Variants in ARMH3 observed in about 807,000 individuals in gnomAD.
The protein encoded by ARMH3 is armadillo like helical domain containing 3.
In ARMH3, 60 loss-of-function variants were observed where a neutral mutation model predicts 99.1. The observed-to-expected ratio is 0.61, with a 90% CI of 0.49 to 0.75. The LOEUF is 0.75. ARMH3 is among the 30% of genes least tolerant of loss of function. The pLI is 0.00. For synonymous variants in ARMH3, 285 were observed against 292.8 expected (o/e 0.97, Z 0.27); for missense variants, 679 against 843.1 (o/e 0.81, Z 2.41).
intron 16 of ARMH3, 68 bp downstream of exon 16, chr10:101,995,229 G>A: frequency 7.5e-7 from 1 of 1,333,508 alleles, no homozygotes; most frequent in Non-Finnish European, 1.1e-6. Context: ...GTAATGGGGT[G>A]AGGGGAGGCA....
chr10:101,963,082 G>A (rs1481870285), intron 20 of ARMH3, among the ~76,000 whole-genome samples: 4 of 148,224 alleles, frequency 2.7e-5, no homozygotes, highest in South Asian at 4.2e-4. Flanking sequence ...AGATTCTCCT[G>A]CCTTAGCCTC....
At chr10:101,876,795 A>C (rs1203570874) in intron 24 of ARMH3, among the ~76,000 whole-genome samples, 1 of 152,196 alleles carries the variant, frequency 6.6e-6, no homozygotes, top group Non-Finnish European at 1.5e-5. Context: ...AAAAAAGGTG[A>C]CTAAAAAAAC....
intron 15 of ARMH3, among the ~76,000 whole-genome samples, chr10:101,995,739 C>T (rs1847026158): frequency 6.6e-6 from 1 of 152,194 alleles, no homozygotes; most frequent in Non-Finnish European, 1.5e-5. Context: ...CAGCTCTAAG[C>T]ACCACCTACC....
chr10:101,875,206 C>A (rs1261197296), intron 24 of ARMH3, among the ~76,000 whole-genome samples: 1 of 151,454 alleles, frequency 6.6e-6, no homozygotes, highest in African/African-American at 2.4e-5. Flanking sequence ...TTTTTTTCCA[C>A]AACACTTTAG....
At chr10:101,935,240 G>A (rs1422453727) in intron 23 of ARMH3, among the ~76,000 whole-genome samples, 3 of 146,378 alleles carry the variant, frequency 2.0e-5, no homozygotes, top group Non-Finnish European at 4.5e-5. Flanking sequence ...CTCTCCTATA[G>A]AGAAGAAAAC....
In ARMH3 at chr10:101,846,496, A is replaced by C. The variant is rs568078503; in HGVS notation, c.*1032T>G. 39 of 152,358 alleles carry C rather than the reference A, an allele frequency of 2.6e-4. 1 individual carries two copies. The highest frequency in any genetic ancestry group is 2.4e-3 in the Admixed American group (37 of 15,302). The allele number at this position is 152,358 out of a possible 1,614,324, so 9.4% of individuals were successfully genotyped here. On this transcript the variant is annotated 3_prime_UTR_variant, in exon 26 of 26. Coordinates refer to ENST00000370033, the MANE Select transcript of ARMH3 (RefSeq NM_024541.3). ...ACAGTAAAGCAGATTAGAAATTAAA[A>C]GTTAAGGTGGTGACCCTATTGTGCT... is the stretch of plus-strand genomic sequence containing the variant.
intron 19 of ARMH3, among the ~76,000 whole-genome samples, chr10:101,977,084 A>G (rs895905366): frequency 2.0e-5 from 3 of 152,230 alleles, no homozygotes; most frequent in Non-Finnish European, 2.9e-5. Flanking sequence ...CCACCTTTCA[A>G]GTGCTCAATA....
chr10:101,849,724 A>G (rs1181838890), intron 25 of ARMH3, 52 bp downstream of exon 25: 38 of 1,485,780 alleles, frequency 2.6e-5, no homozygotes, highest in Non-Finnish European at 3.6e-5. Flanking sequence ...TGCAGAACCC[A>G]GTGGCTGGGG....
At chr10:101,965,823 G>C (rs556853818) in intron 20 of ARMH3, among the ~76,000 whole-genome samples, 1 of 152,234 alleles carries the variant, frequency 6.6e-6, no homozygotes, top group Non-Finnish European at 1.5e-5. Context: ...GGCTACAACT[G>C]CTCTCTTTTG....
chr10:101,993,674 T>C, intron 16 of ARMH3, 71 bp from the exon 17 acceptor site: 1 of 1,064,696 alleles, frequency 9.4e-7, no homozygotes, highest in Non-Finnish European at 1.4e-6. Context: ...TCACACTTCG[T>C]ACAAATCCTT....
intron 23 of ARMH3, among the ~76,000 whole-genome samples, chr10:101,890,974 A>G (rs1343314412): frequency 6.7e-6 from 1 of 150,270 alleles, no homozygotes; most frequent in Non-Finnish European, 1.5e-5. Flanking sequence ...TCCTTGGCTC[A>G]AGCAATCCTC....
chr10:101,960,884 C>T (rs1282677505), intron 20 of ARMH3, among the ~76,000 whole-genome samples: 2 of 136,380 alleles, frequency 1.5e-5, no homozygotes, highest in Admixed American at 7.6e-5. Flanking sequence ...AGCAAAACTC[C>T]GTCTCAAAAA....
At chr10:101,946,867 G>A (rs1212920033) in intron 22 of ARMH3, among the ~76,000 whole-genome samples, 1 of 151,660 alleles carries the variant, frequency 6.6e-6, no homozygotes, top group Non-Finnish European at 1.5e-5. Context: ...CAATCACACT[G>A]CTGAAAGCCA....
chr10:101,994,489 T>C (rs930358096), intron 16 of ARMH3, among the ~76,000 whole-genome samples: 4 of 151,392 alleles, frequency 2.6e-5, no homozygotes, highest in African/African-American at 9.7e-5. Context: ...AAGGGGGAGG[T>C]TGAAGCTATA....
At chr10:101,879,017 A>G (rs1454278704) in intron 24 of ARMH3, among the ~76,000 whole-genome samples, 2 of 152,162 alleles carry the variant, frequency 1.3e-5, no homozygotes, top group African/African-American at 4.8e-5. Flanking sequence ...CACAGTCCCC[A>G]GACGCCTCGT....
At chr10:102,026,858 A>G (rs1389962147) in intron 5 of ARMH3, among the ~76,000 whole-genome samples, 1 of 152,248 alleles carries the variant, frequency 6.6e-6, no homozygotes, top group African/African-American at 2.4e-5. Context: ...AAAGATGGTA[A>G]GCTTGTAAGC....
At chr10:102,050,149 T>TA (rs976237740) in intron 1 of ARMH3, among the ~76,000 whole-genome samples, 8 of 128,558 alleles carry the variant, frequency 6.2e-5, no homozygotes, top group African/African-American at 1.2e-4. Flanking sequence ...TCTCAAAAAA[T>TA]AAAAAAAATA....
chr10:101,894,214 G>C (rs955039086), intron 23 of ARMH3, among the ~76,000 whole-genome samples: 4 of 152,166 alleles, frequency 2.6e-5, no homozygotes, highest in Non-Finnish European at 5.9e-5. Flanking sequence ...TAATGTCCTG[G>C]AGATGCCAGG....
intron 15 of ARMH3, among the ~76,000 whole-genome samples, chr10:101,999,467 CAGG>C (rs2066298315): frequency 6.6e-6 from 1 of 152,122 alleles, no homozygotes; most frequent in Non-Finnish European, 1.5e-5. Context: ...GCTGGGATTA[CAGG>C]TGTGAGCCAC....
Sources: allele counts gnomAD v4.1 joint callset (sites outside exome capture counted in the v4.1 genomes callset), GRCh38; gene constraint gnomAD v4.1.1; transcripts MANE v1.5; gene names NCBI Gene and HGNC (gene_info 2026-07-23, HGNC 2026-07-21).